Variants in TMEM106B observed in about 807,000 individuals in gnomAD.
TMEM106B encodes transmembrane protein 106B.
TMEM106B carries 15 observed loss-of-function variants against 31.1 expected under a neutral mutation model. That is an observed-to-expected ratio of 0.48 (90% CI 0.32 to 0.74). TMEM106B has a LOEUF of 0.74. Among genes scored for constraint, TMEM106B ranks in the 30% least tolerant of loss-of-function variants. TMEM106B has a pLI of 0.03. For synonymous variants in TMEM106B, 126 were observed against 112.5 expected (o/e 1.12, Z -0.76); for missense variants, 283 against 327.3 (o/e 0.86, Z 1.04).
At chr7:12,224,454 C>G in intron 4 of TMEM106B, 69 bp downstream of exon 4, 1 of 1,325,300 alleles carries the variant, frequency 7.5e-7, no homozygotes, top group African/African-American at 1.5e-5. Context: ...ACCTTTGTCC[C>G]CATTGAGAAG....
intron 4 of TMEM106B, among the ~76,000 whole-genome samples, chr7:12,225,837 C>T (rs1781890359): frequency 6.6e-6 from 1 of 152,102 alleles, no homozygotes; most frequent in Non-Finnish European, 1.5e-5. Flanking sequence ...GTTTCTTTTG[C>T]TATGCAGAAG....
intron 1 of TMEM106B, among the ~76,000 whole-genome samples, chr7:12,212,874 ACTAT>A (rs1185836633): frequency 9.2e-5 from 14 of 152,238 alleles, no homozygotes; most frequent in African/African-American, 3.1e-4. Context: ...TGAAAGAAAT[ACTAT>A]CTGTCTGAAT....
Position 12,231,127 on chromosome 7 carries a change from T to C in TMEM106B, c.686+12T>C, listed in dbSNP as rs1398252485. On this transcript the variant is annotated intron_variant, in intron 7 of 7. Transcript: ENST00000396668. ...GTACTCATGATGCAGTAAGTACAAA[T>C]CTTTTTTGAAAGAGATTTTGCTTGT... is the stretch of plus-strand genomic sequence containing the variant. 3 of 1,588,658 alleles carry C rather than the reference T, an allele frequency of 1.9e-6. No homozygotes were observed. The highest frequency in any genetic ancestry group is 1.4e-5 in the African/African-American group (1 of 73,854).
intron 7 of TMEM106B, chr7:12,231,621 T>TA (rs559183758): frequency 1.6e-3 from 628 of 401,590 alleles, no homozygotes; most frequent in Non-Finnish European, 2.0e-3. Flanking sequence ...ATATTACACT[T>TA]ATTATGTGTA....
chr7:12,213,262 G>T (rs1269317838), intron 1 of TMEM106B, among the ~76,000 whole-genome samples: 1 of 115,104 alleles, frequency 8.7e-6, no homozygotes, highest in Non-Finnish European at 1.7e-5. Flanking sequence ...TGGAACATTG[G>T]CTTCATAATT....
chr7:12,229,295 G>A (rs1176229457), intron 4 of TMEM106B, among the ~76,000 whole-genome samples: 1 of 152,028 alleles, frequency 6.6e-6, no homozygotes, highest in Non-Finnish European at 1.5e-5. Context: ...CTTCTTCATA[G>A]TGAGCTGTTG....
chr7:12,225,878 A>G (rs772146770), intron 4 of TMEM106B, among the ~76,000 whole-genome samples: 15 of 152,144 alleles, frequency 9.9e-5, no homozygotes, highest in East Asian at 5.8e-4. Context: ...ACATTTGTCA[A>G]TTTTGGCTTT....
chr7:12,231,585 T>G, intron 7 of TMEM106B: 1 of 328,956 alleles, frequency 3.0e-6, no homozygotes, highest in Non-Finnish European at 5.5e-6. Flanking sequence ...ACTTTTATAT[T>G]TTTAACAGAA....
chr7:12,225,673 G>A (rs932103087), intron 4 of TMEM106B, among the ~76,000 whole-genome samples: 1 of 152,098 alleles, frequency 6.6e-6, no homozygotes, highest in Non-Finnish European at 1.5e-5. Context: ...GTCTTCTTTT[G>A]AGAAGTGTCC....
intron 6 of TMEM106B, 66 bp from the exon 7 acceptor site, chr7:12,230,996 G>C: frequency 8.9e-7 from 1 of 1,126,136 alleles, no homozygotes; most frequent in Non-Finnish European, 1.3e-6. Flanking sequence ...CTTTAAGATA[G>C]GAGGGAGAAT....
At chr7:12,224,434 AT>A (rs1177244531) in intron 4 of TMEM106B, 49 bp downstream of exon 4, 10 of 1,487,746 alleles carry the variant, frequency 6.7e-6, no homozygotes, top group Non-Finnish European at 6.5e-6. Flanking sequence ...CTTTTATCCT[AT>A]TAAGCAGCAC....
rs948819671 is a variant in TMEM106B, at chr7:12,237,336, A to G, written c.*5361A>G. The stretch of plus-strand genomic sequence containing the variant: ...AGATATTCAAAATCTTTTACCTTTA[A>G]TCCTTTTCATCCTTATAGTCCTTAC... On this transcript the variant is annotated 3_prime_UTR_variant, in exon 8 of 8. Coordinates refer to ENST00000396668, the MANE Select transcript of TMEM106B (RefSeq NM_001134232.2). 1.3e-5 allele frequency: 2 copies of G among 151,974 alleles called. No individual in the cohort carries two copies. The highest frequency in any genetic ancestry group is 4.8e-5 in the African/African-American group (2 of 41,392). 9.4% of individuals were successfully genotyped at this position (151,974 alleles called of 1,614,324 possible). A position where few individuals can be genotyped will look rare whatever the true frequency, so the allele number is the denominator to read the frequency against.
intron 5 of TMEM106B, 94 bp downstream of exon 5, chr7:12,229,913 A>G (rs1781982961): frequency 1.5e-6 from 2 of 1,364,516 alleles, no homozygotes; most frequent in African/African-American, 3.0e-5. Context: ...TTCCTCAAAA[A>G]CTTGATTTAG....
At chr7:12,213,031 C>A (rs890416178) in intron 1 of TMEM106B, among the ~76,000 whole-genome samples, 2 of 152,084 alleles carry the variant, frequency 1.3e-5, no homozygotes, top group African/African-American at 4.8e-5. Flanking sequence ...TATTATATGA[C>A]TGTTAAGTTC....
rs1432547661 is a variant in TMEM106B, at chr7:12,229,830, A to T, written c.582+11A>T. ...CTTGATATGAAACAAGTAAGAATCA[A>T]TCATGAAATACTTTGTAAGAGTTAA... is the stretch of plus-strand genomic sequence containing the variant. On this transcript the variant is annotated intron_variant, in intron 5 of 7. Transcript: ENST00000396668. 2 of 1,595,128 alleles carry T rather than the reference A, an allele frequency of 1.3e-6. No individual in the cohort carries two copies. The highest frequency in any genetic ancestry group is 1.7e-6 in the Non-Finnish European group (2 of 1,172,404).
Position 12,231,925 on chromosome 7 carries a change from T to G in TMEM106B, c.775T>G (p.Tyr259Asp). 6.2e-7 allele frequency: 1 copy of G among 1,612,394 alleles called. No homozygotes were observed. The highest frequency in any genetic ancestry group is 1.1e-5 in the South Asian group (1 of 90,934). Residue 259 changes from tyrosine to aspartate, a missense_variant, in exon 8 of 8, where the codon TAT becomes GAT. Coordinates refer to ENST00000396668, the MANE Select transcript of TMEM106B (RefSeq NM_001134232.2). ...TGTCGACTGTGGAAGAAACACAACT[T>G]ATCAGTTGGGGCAGTCTGAATATTT... Reference protein sequence around the residue: ...QYVDCGRNTTYQLGQSEYLNV... With the variant: ...QYVDCGRNTTDQLGQSEYLNV...
In TMEM106B at chr7:12,229,651, G is replaced by T. The variant is rs770246320; in HGVS notation, c.442-28G>T. 13 of 1,508,262 alleles carry T rather than the reference G, an allele frequency of 8.6e-6. No individual in the cohort carries two copies. In the African/African-American group the frequency reaches 1.3e-4, roughly 15 times the overall value. 93.4% of individuals were successfully genotyped at this position (1,508,262 alleles called of 1,614,324 possible). A position where few individuals can be genotyped will look rare whatever the true frequency, so the allele number is the denominator to read the frequency against. ...ATATTTGTATATTTTTAGCTAACTT[G>T]TAAATTTTCTGTGTCCTTTTTTTGT... On this transcript the variant is annotated intron_variant, in intron 4 of 7. Coordinates refer to ENST00000396668, the MANE Select transcript of TMEM106B (RefSeq NM_001134232.2).
chr7:12,232,747 C>CA lies in TMEM106B; in HGVS notation c.*775dup, dbSNP rs1237960826. ...GCTTTTATACAGCTTTAGTAAATGT[C>CA]AAATAAAGTGGTACAGACTCATTAC... On this transcript the variant is annotated 3_prime_UTR_variant, in exon 8 of 8. Transcript: ENST00000396668. 2.0e-5 allele frequency: 3 copies of CA among 152,084 alleles called. No homozygotes were observed. The highest frequency in any genetic ancestry group is 7.3e-5 in the African/African-American group (3 of 41,334). 9.4% of individuals were successfully genotyped at this position (152,084 alleles called of 1,614,324 possible).
At chr7:12,226,320 GC>G (rs1005978261) in intron 4 of TMEM106B, among the ~76,000 whole-genome samples, 34 of 151,980 alleles carry the variant, frequency 2.2e-4, no homozygotes, top group Non-Finnish European at 2.4e-4. Context: ...TGTTCTTTTT[GC>G]AAACAATGTG....
Sources: allele counts gnomAD v4.1 joint callset (sites outside exome capture counted in the v4.1 genomes callset), GRCh38; gene constraint gnomAD v4.1.1; transcripts MANE v1.5; gene names NCBI Gene and HGNC (gene_info 2026-07-23, HGNC 2026-07-21).